Variants in SLC35F2 observed in about 807,000 individuals in gnomAD.
SLC35F2 encodes the protein solute carrier family 35 member F2, also known as queuine/queuosine transporter SLC35F2.
In SLC35F2, 25 loss-of-function variants were observed where a neutral mutation model predicts 38.1. The ratio of observed to expected loss-of-function variants is 0.66; its 90% CI spans 0.48 to 0.92. The LOEUF (loss-of-function observed/expected upper bound fraction) is 0.92, where lower values mean the gene tolerates loss of function less well. Among genes scored for constraint, SLC35F2 ranks in the 40% least tolerant of loss-of-function variants. SLC35F2 has a pLI of 0.00. For synonymous variants in SLC35F2, 173 were observed against 181.7 expected, an observed-to-expected ratio of 0.95 and a Z score of 0.38; for missense variants, 409 against 452.9, an observed-to-expected ratio of 0.90 and a Z score of 0.88.
intron 1 of SLC35F2, among the ~76,000 whole-genome samples, chr11:107,844,241 T>G (rs141614825): frequency 6.6e-6 from 1 of 152,148 alleles, no homozygotes; most frequent in South Asian, 2.1e-4. Flanking sequence ...TGACTAACAC[T>G]GTTAGGCAAA....
intron 5 of SLC35F2, 107 bp downstream of exon 5, chr11:107,805,252 A>G (rs1296722854): frequency 7.1e-7 from 1 of 1,410,660 alleles, no homozygotes; most frequent in African/African-American, 1.5e-5. Context: ...TCCACCTAAT[A>G]CTAATTCCAA....
At chr11:107,828,516 AC>A (rs1303450596) in intron 1 of SLC35F2, among the ~76,000 whole-genome samples, 1 of 152,038 alleles carries the variant, frequency 6.6e-6, no homozygotes, top group African/African-American at 2.4e-5. Context: ...GAATGAACTT[AC>A]TATTTTGAAG....
intron 7 of SLC35F2, among the ~76,000 whole-genome samples, chr11:107,798,002 T>C (rs1288576012): frequency 2.6e-5 from 4 of 152,054 alleles, no homozygotes; most frequent in Non-Finnish European, 4.4e-5. Flanking sequence ...TTTTTTGTTA[T>C]TTTTATTTAT....
intron 1 of SLC35F2, chr11:107,816,288 CTT>C (rs919254180): frequency 7.0e-6 from 5 of 709,706 alleles, no homozygotes; most frequent in African/African-American, 2.1e-5. Context: ...GTGTGTATGA[CTT>C]TTTTTTTTTG....
chr11:107,829,788 C>A (rs1331324555), intron 1 of SLC35F2, among the ~76,000 whole-genome samples: 1 of 151,832 alleles, frequency 6.6e-6, no homozygotes, highest in Non-Finnish European at 1.5e-5. Context: ...TATATATCCT[C>A]ATTTTCAGTA....
chr11:107,817,629 T>A (rs1859596482), intron 1 of SLC35F2, among the ~76,000 whole-genome samples: 1 of 152,182 alleles, frequency 6.6e-6, no homozygotes, highest in African/African-American at 2.4e-5. Context: ...CAACCCACCC[T>A]CTGAATCTCC....
chr11:107,827,419 A>G (rs1031697460), intron 1 of SLC35F2, among the ~76,000 whole-genome samples: 1 of 151,970 alleles, frequency 6.6e-6, no homozygotes, highest in Non-Finnish European at 1.5e-5. Context: ...GTTCAAGACT[A>G]GCCTGGCCAA....
In SLC35F2 at chr11:107,820,838, C is replaced by T. The variant is rs184614379; in HGVS notation, c.111-4873G>A. 2.5e-3 allele frequency among the ~76,000 whole-genome samples: 374 copies of T among 152,218 alleles called. 1 individual carries two copies. The highest frequency in any genetic ancestry group is 8.6e-3 in the African/African-American group (359 of 41,534). ...GGGCATAGTGGCAGGCGCCTGTAAT[C>T]CCAGCTACTTGGGAGGCTGAGACAG... On this transcript the variant is annotated intron_variant, in intron 1 of 7. Coordinates refer to ENST00000525815, the MANE Select transcript of SLC35F2 (RefSeq NM_017515.5).
chr11:107,803,688 T>C (rs1473267851), intron 6 of SLC35F2, among the ~76,000 whole-genome samples: 1 of 152,092 alleles, frequency 6.6e-6, no homozygotes, highest in African/African-American at 2.4e-5. Context: ...ATAATTATCC[T>C]TTTTAGGACA....
chr11:107,810,904 T>A, intron 3 of SLC35F2: 1 of 981,110 alleles, frequency 1.0e-6, no homozygotes, highest in African/African-American at 1.7e-5. Context: ...AAGGGACATA[T>A]CAAAAAGTTA....
At chr11:107,831,633 C>A (rs745706046) in intron 1 of SLC35F2, among the ~76,000 whole-genome samples, 4 of 152,176 alleles carry the variant, frequency 2.6e-5, no homozygotes, top group Non-Finnish European at 5.9e-5. Context: ...CAACATTAAT[C>A]CTATATTTCC....
intron 7 of SLC35F2, 133 bp downstream of exon 7, chr11:107,802,868 G>A: frequency 1.2e-6 from 1 of 825,792 alleles, no homozygotes. Flanking sequence ...AGCAGCAAAG[G>A]GAGGCCTGAC....
intron 1 of SLC35F2, among the ~76,000 whole-genome samples, chr11:107,847,068 A>C (rs555606374): frequency 2.0e-5 from 3 of 152,114 alleles, no homozygotes; most frequent in Admixed American, 6.6e-5. Flanking sequence ...CTTTTCTTTT[A>C]CAGATAGGGA....
chr11:107,848,019 G>A (rs975108059), intron 1 of SLC35F2, among the ~76,000 whole-genome samples: 1 of 152,228 alleles, frequency 6.6e-6, no homozygotes, highest in Non-Finnish European at 1.5e-5. Flanking sequence ...CATAGAGACA[G>A]AAAGTAGAAC....
chr11:107,800,023 G>A (rs911092558), intron 7 of SLC35F2, among the ~76,000 whole-genome samples: 4 of 151,166 alleles, frequency 2.6e-5, no homozygotes, highest in Admixed American at 2.6e-4. Context: ...TGAGCAGCTG[G>A]GATTACAGGC....
intron 2 of SLC35F2, 68 bp from the exon 3 acceptor site, chr11:107,811,862 TAA>T (rs1859486303): frequency 5.8e-6 from 8 of 1,390,326 alleles, no homozygotes; most frequent in Non-Finnish European, 5.9e-6. Context: ...GATTTGAAGA[TAA>T]AAGAGTAGAA....
intron 2 of SLC35F2, among the ~76,000 whole-genome samples, chr11:107,812,860 C>G (rs985282351): frequency 5.3e-5 from 8 of 152,098 alleles, no homozygotes; most frequent in Non-Finnish European, 1.0e-4. Context: ...AAAGAAAAGT[C>G]TGCAGGTGAT....
In SLC35F2 at chr11:107,849,322, A is replaced by G. The variant is rs150670548; in HGVS notation, c.110+9336T>C. 8.5e-5 allele frequency among the ~76,000 whole-genome samples: 13 copies of G among 152,248 alleles called. No homozygotes were observed. The East Asian group carries it at 2.5e-3, about 29-fold the overall frequency. ...ACAACAGTCTAAGTGAGAGATGATAAAGGCTTGAACTGAATTAGTCACAAT... is the reference window on the plus strand; with the variant it reads ...ACAACAGTCTAAGTGAGAGATGATAGAGGCTTGAACTGAATTAGTCACAAT... On this transcript the variant is annotated intron_variant, in intron 1 of 7. Transcript: ENST00000525815.
rs551956054 is a variant in SLC35F2 at position 107,856,460 on chromosome 11, G to A, written c.110+2198C>T. Among the ~76,000 whole-genome samples the A allele has an allele frequency of 2.6e-5, 4 of 151,986 alleles. 1 individual carries two copies. The highest frequency in any genetic ancestry group is 1.9e-4 in the East Asian group (1 of 5,140). Reference sequence around the variant, plus strand: ...CTGTAATCCCACTACTTTGGGAGGCGGAGGTGGGTGCATCACTTGAGGTCA... The same window carrying A: ...CTGTAATCCCACTACTTTGGGAGGCAGAGGTGGGTGCATCACTTGAGGTCA... On this transcript the variant is annotated intron_variant, in intron 1 of 7. Transcript: ENST00000525815.
Sources: gnomAD v4.1 joint callset for allele counts (sites outside exome capture counted in the v4.1 genomes callset) on GRCh38, gnomAD v4.1.1 for gene constraint, MANE v1.5 for transcripts, NCBI Gene and HGNC (gene_info 2026-07-23, HGNC 2026-07-21) for gene names.